SNX2: variants seen among roughly 807,000 people sequenced by gnomAD.
SNX2 encodes the protein sorting nexin 2.
SNX2 carries 25 observed loss-of-function variants against 69.9 expected under a neutral mutation model. That is an observed-to-expected ratio of 0.36 (90% confidence interval 0.26 to 0.50). The LOEUF (loss-of-function observed/expected upper bound fraction) is 0.50. Among genes scored for constraint, SNX2 ranks in the 20% least tolerant of loss-of-function variants. SNX2 has a pLI of 0.97. For missense variants in SNX2, 551 were observed against 613.3 expected, an observed-to-expected ratio of 0.90 and a Z score of 1.07; for synonymous variants, 229 against 200.4, an observed-to-expected ratio of 1.14 and a Z score of -1.20.
chr5:122,782,856 A>T (rs1753007761), intron 1 of SNX2, among the ~76,000 whole-genome samples: 1 of 152,164 alleles, frequency 6.6e-6, no homozygotes, highest in African/African-American at 2.4e-5. Context: ...CATTTAAAAT[A>T]TTGAATTTTG....
intron 8 of SNX2, 90 bp from the exon 9 acceptor site, chr5:122,816,824 GA>G (rs1163256273): frequency 3.8e-6 from 2 of 527,748 alleles, no homozygotes; most frequent in African/African-American, 2.3e-5. Flanking sequence ...ATGTGGGGGG[GA>G]GGGGGGAGGA....
At chr5:122,784,550 A>G (rs1253858701) in intron 1 of SNX2, among the ~76,000 whole-genome samples, 2 of 152,078 alleles carry the variant, frequency 1.3e-5, no homozygotes, top group East Asian at 3.9e-4. Flanking sequence ...ATGATTTTCA[A>G]ACTGATTCAA....
intron 11 of SNX2, among the ~76,000 whole-genome samples, chr5:122,821,702 G>C (rs1389103918): frequency 6.6e-6 from 1 of 152,086 alleles, no homozygotes; most frequent in Non-Finnish European, 1.5e-5. Context: ...TGATCCGCCT[G>C]CCTCAGCCTC....
At chr5:122,778,450 A>C (rs1752901214) in intron 1 of SNX2, among the ~76,000 whole-genome samples, 1 of 152,156 alleles carries the variant, frequency 6.6e-6, no homozygotes, top group Admixed American at 6.5e-5. Flanking sequence ...GCAGTGTATA[A>C]GATAACTCCT....
At chr5:122,811,659 G>A (rs1753779739) in intron 7 of SNX2, among the ~76,000 whole-genome samples, 1 of 151,948 alleles carries the variant, frequency 6.6e-6, no homozygotes, top group South Asian at 2.1e-4. Flanking sequence ...GTGAAACCCT[G>A]TCTCTACTAA....
At chr5:122,824,360 T>C (rs1359832160) in intron 11 of SNX2, among the ~76,000 whole-genome samples, 1 of 152,184 alleles carries the variant, frequency 6.6e-6, no homozygotes, top group Non-Finnish European at 1.5e-5. Context: ...CACTGCTGTT[T>C]TAAATGATAG....
At chr5:122,800,690 A>C (rs1299015935) in intron 3 of SNX2, among the ~76,000 whole-genome samples, 1 of 152,192 alleles carries the variant, frequency 6.6e-6, no homozygotes, top group Non-Finnish European at 1.5e-5. Flanking sequence ...TGAACTGTAC[A>C]CTTAAAATTT....
At chr5:122,804,673 A>G (rs867585569) in intron 6 of SNX2, among the ~76,000 whole-genome samples, 2 of 152,114 alleles carry the variant, frequency 1.3e-5, no homozygotes, top group African/African-American at 4.8e-5. Context: ...CCACATTTGT[A>G]CTTCCATAAG....
intron 1 of SNX2, chr5:122,775,513 A>AT: frequency 9.1e-7 from 1 of 1,094,176 alleles, no homozygotes; most frequent in Non-Finnish European, 1.1e-6. Context: ...TGTCTCTTGC[A>AT]CGTCCTCCTC....
chr5:122,818,060 A>T (rs932432936), intron 10 of SNX2, among the ~76,000 whole-genome samples: 23 of 152,124 alleles, frequency 1.5e-4, no homozygotes, highest in African/African-American at 5.5e-4. Context: ...ATAGAAACTT[A>T]TTAATACATT....
intron 8 of SNX2, 146 bp downstream of exon 8, chr5:122,816,117 C>T: frequency 2.3e-6 from 1 of 434,270 alleles, no homozygotes; most frequent in Non-Finnish European, 4.1e-6. Context: ...CTTTAATTAC[C>T]CTGCTAAATT....
intron 2 of SNX2, chr5:122,795,662 T>C (rs940231914): frequency 2.0e-5 from 5 of 247,538 alleles, no homozygotes; most frequent in Admixed American, 5.3e-5. Flanking sequence ...AGACTAATCA[T>C]TGTGATGTTC....
At chr5:122,813,199 C>G (rs938286249) in intron 7 of SNX2, among the ~76,000 whole-genome samples, 6 of 151,996 alleles carry the variant, frequency 3.9e-5, no homozygotes, top group African/African-American at 1.5e-4. Flanking sequence ...GGTCTTAATT[C>G]CGAATTGGCA....
chr5:122,802,375 GA>G (rs1055836550), intron 5 of SNX2, among the ~76,000 whole-genome samples: 16 of 152,154 alleles, frequency 1.1e-4, no homozygotes, highest in African/African-American at 3.9e-4. Flanking sequence ...TGATGGGGAG[GA>G]GGGGGGGAAG....
chr5:122,829,576 AT>A, intron 14 of SNX2, 21 bp from the exon 15 acceptor site: 1 of 1,591,830 alleles, frequency 6.3e-7, no homozygotes, highest in Non-Finnish European at 8.6e-7. Context: ...AGAATAACTT[AT>A]ATTTTAATTA....
intron 1 of SNX2, among the ~76,000 whole-genome samples, chr5:122,776,978 G>A (rs1372173284): frequency 1.3e-5 from 2 of 152,008 alleles, no homozygotes; most frequent in African/African-American, 2.4e-5. Context: ...CTTATTTAAT[G>A]TACTCATTTA....
upstream of SNX2, chr5:122,775,034 G>A: frequency 7.0e-7 from 1 of 1,430,672 alleles, no homozygotes; most frequent in South Asian, 1.4e-5. Flanking sequence ...GGTCGGCGCG[G>A]GCCCAGCCGT....
intron 7 of SNX2, among the ~76,000 whole-genome samples, chr5:122,814,688 G>A (rs1042692364): frequency 6.6e-6 from 1 of 151,950 alleles, no homozygotes; most frequent in Non-Finnish European, 1.5e-5. Context: ...ATGTTATTGC[G>A]AGGAAAAATA....
intron 1 of SNX2, among the ~76,000 whole-genome samples, chr5:122,793,750 A>C (rs1399660004): frequency 6.6e-6 from 1 of 151,048 alleles, no homozygotes; most frequent in African/African-American, 2.4e-5. Context: ...CTCTACTAAA[A>C]ATACAAAAAA....
Sources: allele counts gnomAD v4.1 joint callset (sites outside exome capture counted in the v4.1 genomes callset), GRCh38; gene constraint gnomAD v4.1.1; transcripts MANE v1.5; gene names NCBI Gene and HGNC (gene_info 2026-07-23, HGNC 2026-07-21).